The following RABGAP1L variants were observed in gnomAD, a reference collection of about 807,000 sequenced individuals.
RABGAP1L encodes RAB GTPase activating protein 1 like.
A neutral mutation model predicts 137.7 loss-of-function variants in RABGAP1L; 63 were observed. That is an observed-to-expected ratio of 0.46 (90% CI 0.37 to 0.56). The LOEUF is 0.56. RABGAP1L is among the 20% of genes least tolerant of loss of function. RABGAP1L has a pLI of 0.00. For synonymous variants in RABGAP1L, 431 were observed against 433.7 expected (o/e 0.99, Z 0.08); for missense variants, 1,095 against 1,244.0 (o/e 0.88, Z 1.80).
intron 19 of RABGAP1L, among the ~76,000 whole-genome samples, chr1:174,888,425 T>C (rs1442270450): frequency 6.6e-6 from 1 of 152,252 alleles, no homozygotes; most frequent in Non-Finnish European, 1.5e-5. Context: ...TTCCTTACAG[T>C]GGGCTAGGAG....
At chr1:174,681,092 G>A (rs1248257570) in intron 14 of RABGAP1L, among the ~76,000 whole-genome samples, 1 of 152,120 alleles carries the variant, frequency 6.6e-6, no homozygotes, top group Non-Finnish European at 1.5e-5. Flanking sequence ...GTGAAGCAAG[G>A]GGTGCTCTCA....
intron 17 of RABGAP1L, among the ~76,000 whole-genome samples, chr1:174,719,932 A>G (rs1024750711): frequency 7.9e-5 from 12 of 152,170 alleles, no homozygotes; most frequent in African/African-American, 2.2e-4. Flanking sequence ...TATAATATAT[A>G]TTGATAAAAG....
chr1:174,349,804 C>T (rs1371363207), intron 11 of RABGAP1L, among the ~76,000 whole-genome samples: 11 of 119,766 alleles, frequency 9.2e-5, no homozygotes, highest in South Asian at 2.8e-4. Context: ...CCAGTAGGGG[C>T]GGCCGGGCAG....
At chr1:174,237,432 C>T (rs1186537612) in intron 4 of RABGAP1L, among the ~76,000 whole-genome samples, 47 of 72,344 alleles carry the variant, frequency 6.5e-4, no homozygotes, top group African/African-American at 2.3e-3. Context: ...CCATGTTTAG[C>T]GCTTCCTTCA....
Position 174,637,473 on chromosome 1 carries a change from C to T in RABGAP1L, c.1809C>T (p.Leu603=). ...KDTGGDGQES[L]YKICKAYSVY... is the part of the protein sequence containing the mutation. ...CTGGAGGAGATGGTCAAGAATCGCT[C>T]TATAAGATCTGCAAGGTAGGACTCT... is the stretch of plus-strand genomic sequence containing the variant. Residue 603 remains leucine (L), a synonymous_variant, in exon 14 of 26, where the codon CTC becomes CTT. Coordinates refer to ENST00000681986, the MANE Select transcript of RABGAP1L (RefSeq NM_001366446.1). 1.2e-6 allele frequency: 2 copies of T among 1,602,372 alleles called. No homozygotes were observed. The highest frequency in any genetic ancestry group is 8.6e-7 in the Non-Finnish European group (1 of 1,169,332).
intron 19 of RABGAP1L, chr1:174,877,615 G>A: frequency 6.2e-7 from 1 of 1,609,744 alleles, no homozygotes; most frequent in Non-Finnish European, 8.5e-7. Context: ...GGTAGGTGGT[G>A]CCTTGCACAC....
At chr1:174,575,481 A>G (rs971339744) in intron 13 of RABGAP1L, among the ~76,000 whole-genome samples, 2 of 152,156 alleles carry the variant, frequency 1.3e-5, no homozygotes, top group African/African-American at 4.8e-5. Context: ...TGAAAGACCC[A>G]TCATCAGTTG....
At chr1:174,670,072 A>C (rs1437911497) in intron 14 of RABGAP1L, among the ~76,000 whole-genome samples, 2 of 152,124 alleles carry the variant, frequency 1.3e-5, no homozygotes, top group Admixed American at 1.3e-4. Context: ...ACTTTGGACT[A>C]TATGGGCATT....
intron 1 of RABGAP1L, among the ~76,000 whole-genome samples, chr1:174,186,511 A>C (rs762416944): frequency 6.6e-6 from 1 of 152,218 alleles, no homozygotes; most frequent in Admixed American, 6.5e-5. Context: ...TCAGAATGCT[A>C]TCTGTCTACT....
At chr1:174,752,398 C>T in intron 18 of RABGAP1L, 44 bp downstream of exon 18, 1 of 1,391,942 alleles carries the variant, frequency 7.2e-7, no homozygotes, top group Non-Finnish European at 9.9e-7. Flanking sequence ...TCTCTTACCT[C>T]TTTGCCCTTG....
intron 5 of RABGAP1L, among the ~76,000 whole-genome samples, chr1:174,247,892 CT>C (rs370843553): frequency 6.6e-6 from 1 of 150,782 alleles, no homozygotes; most frequent in African/African-American, 2.4e-5. Flanking sequence ...TGGGGAGCCG[CT>C]TTTTTTTTGC....
At chr1:174,975,990 G>T (rs1482802934) in intron 21 of RABGAP1L, 88 bp from the exon 22 acceptor site, 28 of 1,228,938 alleles carry the variant, frequency 2.3e-5, no homozygotes, top group South Asian at 1.4e-5. Context: ...AACAGCAACT[G>T]AAGATTGGGT....
intron 13 of RABGAP1L, among the ~76,000 whole-genome samples, chr1:174,454,613 C>G (rs990471208): frequency 3.4e-5 from 5 of 146,180 alleles, no homozygotes; most frequent in Admixed American, 6.9e-5. Context: ...GGCAGTGGCG[C>G]TATCTCTGCT....
chr1:174,596,199 C>T (rs917713296), intron 13 of RABGAP1L, among the ~76,000 whole-genome samples: 8 of 105,514 alleles, frequency 7.6e-5, no homozygotes, highest in East Asian at 5.5e-4. Flanking sequence ...GGCAATGCCT[C>T]GCCCTGCTTC....
chr1:174,403,743 G>A (rs1412326636), intron 13 of RABGAP1L, among the ~76,000 whole-genome samples: 1 of 151,260 alleles, frequency 6.6e-6, no homozygotes, highest in Non-Finnish European at 1.5e-5. Flanking sequence ...AGCACATGAT[G>A]TGTATAATAG....
chr1:174,713,917 C>T (rs1466060709), intron 17 of RABGAP1L, among the ~76,000 whole-genome samples: 1 of 152,158 alleles, frequency 6.6e-6, no homozygotes. Context: ...TCCCATTATT[C>T]TCCATAGCAT....
At chr1:174,436,857 C>T (rs1379359457) in intron 13 of RABGAP1L, among the ~76,000 whole-genome samples, 1 of 152,170 alleles carries the variant, frequency 6.6e-6, no homozygotes, top group Non-Finnish European at 1.5e-5. Flanking sequence ...GCCAGGTACT[C>T]CTCTGAGACA....
chr1:174,262,830 C>T (rs182671258), intron 7 of RABGAP1L, among the ~76,000 whole-genome samples: 1 of 152,356 alleles, frequency 6.6e-6, no homozygotes, highest in East Asian at 1.9e-4. Flanking sequence ...TTAAACATTT[C>T]TTCTTTGCAG....
chr1:174,968,500 G>GT (rs5778822), intron 20 of RABGAP1L, among the ~76,000 whole-genome samples: 120,014 of 147,032 alleles, frequency 0.82, 49,143 homozygotes, highest in East Asian at 0.99. Flanking sequence ...TAGTGACTTG[G>GT]TTTTTTTTTT....
Sources: allele counts gnomAD v4.1 joint callset (sites outside exome capture counted in the v4.1 genomes callset), GRCh38; gene constraint gnomAD v4.1.1; transcripts MANE v1.5; gene names NCBI Gene and HGNC (gene_info 2026-07-23, HGNC 2026-07-21).